The following GRM5 variants were observed in gnomAD, a reference collection of about 807,000 sequenced individuals.
GRM5 encodes glutamate metabotropic receptor 5.
In GRM5, 19 loss-of-function variants were observed where a neutral mutation model predicts 83.1. That is an observed-to-expected ratio of 0.23 (90% CI 0.16 to 0.34). GRM5 has a LOEUF of 0.34. GRM5 is among the 10% of genes least tolerant of loss of function. GRM5 has a pLI of 1.00. For missense variants in GRM5, 1,160 were observed against 1,588.3 expected (o/e 0.73, Z 4.58); for synonymous variants, 675 against 633.6 (o/e 1.07, Z -0.98).
At chr11:88,857,940 C>T (rs1944502645) in intron 2 of GRM5, among the ~76,000 whole-genome samples, 1 of 151,936 alleles carries the variant, frequency 6.6e-6, no homozygotes, top group Non-Finnish European at 1.5e-5. Context: ...AGCCAAAGGA[C>T]TGGAATAAAA....
chr11:88,560,636 A>G (rs573439681), intron 8 of GRM5, among the ~76,000 whole-genome samples: 1 of 152,306 alleles, frequency 6.6e-6, no homozygotes, highest in Non-Finnish European at 1.5e-5. Flanking sequence ...TTCACTCTGA[A>G]GGCAGTGTGA....
intron 3 of GRM5, among the ~76,000 whole-genome samples, chr11:88,803,862 A>T (rs1943447510): frequency 6.6e-6 from 1 of 152,246 alleles, no homozygotes; most frequent in African/African-American, 2.4e-5. Flanking sequence ...AACCCCATCG[A>T]AAAGTGGGCG....
intron 3 of GRM5, among the ~76,000 whole-genome samples, chr11:88,680,048 T>C (rs894259623): frequency 1.3e-5 from 2 of 152,214 alleles, no homozygotes; most frequent in Admixed American, 6.5e-5. Flanking sequence ...CTATGGGGGT[T>C]AATTCTGTGA....
intron 3 of GRM5, among the ~76,000 whole-genome samples, chr11:88,786,615 G>T (rs1354738435): frequency 6.6e-6 from 1 of 151,988 alleles, no homozygotes; most frequent in African/African-American, 2.4e-5. Flanking sequence ...CTTTCCATAG[G>T]TACCAACATG....
chr11:88,788,507 G>T (rs755183996), intron 3 of GRM5, among the ~76,000 whole-genome samples: 1 of 152,044 alleles, frequency 6.6e-6, no homozygotes, highest in Non-Finnish European at 1.5e-5. Flanking sequence ...TTTACCAAAA[G>T]TATTGAAATT....
In GRM5 at chr11:88,604,867, C is replaced by T. The variant is rs758850725; in HGVS notation, c.1245G>A (p.Gln415=). 1.2e-6 allele frequency: 2 copies of T among 1,613,876 alleles called. No homozygotes were observed. Among genetic ancestry groups the T allele is most frequent in the Non-Finnish European group, 1.7e-6 (2 of 1,179,776 alleles). The stretch of plus-strand genomic sequence containing the variant: ...CTGCATAGCCTGGGCAGAGGGACAT[C>T]TGCATGTTGTGGAGCCCATAGGCCA... ...YSMAYGLHNM[Q]MSLCPGYAGL... Residue 415 remains glutamine (Q), a synonymous_variant, in exon 5 of 10, where the codon CAG becomes CAA. Transcript: ENST00000305447.
chr11:88,852,026 G>A (rs1944396678), intron 2 of GRM5, among the ~76,000 whole-genome samples: 1 of 152,112 alleles, frequency 6.6e-6, no homozygotes, highest in Non-Finnish European at 1.5e-5. Flanking sequence ...AGACTGTCTT[G>A]CATTTCATGT....
intron 2 of GRM5, among the ~76,000 whole-genome samples, chr11:88,914,261 T>C (rs1375168389): frequency 1.3e-5 from 2 of 152,182 alleles, no homozygotes; most frequent in Non-Finnish European, 2.9e-5. Context: ...CTTTGAGACA[T>C]CATGCTTCCA....
intron 2 of GRM5, among the ~76,000 whole-genome samples, chr11:88,964,558 T>C (rs1347721659): frequency 2.6e-5 from 4 of 152,060 alleles, no homozygotes; most frequent in Non-Finnish European, 5.9e-5. Context: ...AATAAACAAA[T>C]AGACAGACAC....
At chr11:88,513,122 G>T (rs1261996628) in intron 9 of GRM5, among the ~76,000 whole-genome samples, 1 of 151,578 alleles carries the variant, frequency 6.6e-6, no homozygotes, top group East Asian at 1.9e-4. Flanking sequence ...TACCTTAATT[G>T]TCTTGTCTTA....
chr11:88,722,570 A>G (rs900089307), intron 3 of GRM5, among the ~76,000 whole-genome samples: 1 of 152,154 alleles, frequency 6.6e-6, no homozygotes. Context: ...TGGCACAATC[A>G]ATCTTTATAT....
Position 89,039,276 on chromosome 11 carries a change from A to T in GRM5, c.661+7936T>A, listed in dbSNP as rs1437372559. Among the ~76,000 whole-genome samples the T allele has an allele frequency of 3.3e-5, 5 of 149,922 alleles. No individual in the cohort carries two copies. In the South Asian group the frequency reaches 6.3e-4, roughly 19 times the overall value. On this transcript the variant is annotated intron_variant, in intron 2 of 9. Transcript: ENST00000305447. ...TGAGACTCCGTTTCAAAATAAAAAA[A>T]AAATATATATATATATATAAAGTGA... is the stretch of plus-strand genomic sequence containing the variant.
At chr11:88,945,024 C>G (rs948808879) in intron 2 of GRM5, among the ~76,000 whole-genome samples, 6 of 151,858 alleles carry the variant, frequency 4.0e-5, no homozygotes, top group Non-Finnish European at 8.8e-5. Flanking sequence ...TTTCAGGATA[C>G]AAAATCACTG....
chr11:88,980,907 A>G (rs1939499070), intron 2 of GRM5, among the ~76,000 whole-genome samples: 1 of 152,164 alleles, frequency 6.6e-6, no homozygotes, highest in South Asian at 2.1e-4. Context: ...TGTTTGGACA[A>G]ATGGTGATGT....
At chr11:88,896,685 A>C (rs1945233452) in intron 2 of GRM5, among the ~76,000 whole-genome samples, 1 of 151,900 alleles carries the variant, frequency 6.6e-6, no homozygotes, top group Non-Finnish European at 1.5e-5. Context: ...ATGGTGTCCC[A>C]AATCAAACAG....
At chr11:88,824,256 A>G (rs11499682) in intron 3 of GRM5, among the ~76,000 whole-genome samples, 3,885 of 152,242 alleles carry the variant, frequency 0.026, 175 homozygotes, top group African/African-American at 0.089. Context: ...GCTTTTGTGG[A>G]CTTCACAGAA....
At chr11:88,570,794 T>A (rs1942983037) in intron 7 of GRM5, among the ~76,000 whole-genome samples, 1 of 151,214 alleles carries the variant, frequency 6.6e-6, no homozygotes, top group South Asian at 2.1e-4. Context: ...GTCGAACTCC[T>A]TGCCCTGAGT....
intron 2 of GRM5, among the ~76,000 whole-genome samples, chr11:89,041,529 A>C (rs1302778028): frequency 6.6e-6 from 1 of 152,166 alleles, no homozygotes; most frequent in Admixed American, 6.5e-5. Context: ...CCCAAACCAC[A>C]TGTGGATATG....
At chr11:88,899,640 C>T (rs998827045) in intron 2 of GRM5, among the ~76,000 whole-genome samples, 9 of 151,644 alleles carry the variant, frequency 5.9e-5, no homozygotes, top group African/African-American at 2.2e-4. Flanking sequence ...GAGCCAGAAC[C>T]AATTATTTAT....
Sources: allele counts gnomAD v4.1 joint callset (sites outside exome capture counted in the v4.1 genomes callset), GRCh38; gene constraint gnomAD v4.1.1; transcripts MANE v1.5; gene names NCBI Gene and HGNC (gene_info 2026-07-23, HGNC 2026-07-21).